The following NCAM1 variants were observed in gnomAD, a reference collection of about 807,000 sequenced individuals.
NCAM1 encodes the protein neural cell adhesion molecule 1.
A neutral mutation model predicts 109.8 loss-of-function variants in NCAM1; 14 were observed. The observed-to-expected ratio is 0.13, with a 90% CI of 0.08 to 0.20. The LOEUF is 0.20. Among genes scored for constraint, NCAM1 ranks in the 10% least tolerant of loss-of-function variants. NCAM1 has a pLI of 1.00. For missense variants in NCAM1, 774 were observed against 1,109.9 expected, an observed-to-expected ratio of 0.70 and a Z score of 4.30; for synonymous variants, 418 against 442.9, an observed-to-expected ratio of 0.94 and a Z score of 0.70.
chr11:113,035,194 G>A (rs1337980612), intron 1 of NCAM1, among the ~76,000 whole-genome samples: 1 of 152,032 alleles, frequency 6.6e-6, no homozygotes, highest in African/African-American at 2.4e-5. Flanking sequence ...TATAACTAGG[G>A]CCCATTTTGT....
intron 1 of NCAM1, among the ~76,000 whole-genome samples, chr11:113,187,542 T>C (rs1202027325): frequency 8.9e-6 from 1 of 112,138 alleles, no homozygotes; most frequent in African/African-American, 3.6e-5. Flanking sequence ...ACTGAGGATC[T>C]GTGTGTGTGT....
chr11:113,071,504 CA>C (rs1389522268), intron 1 of NCAM1, among the ~76,000 whole-genome samples: 5 of 150,240 alleles, frequency 3.3e-5, no homozygotes, highest in African/African-American at 1.2e-4. Flanking sequence ...AGGCTCACTG[CA>C]AACTCCGCCT....
intron 1 of NCAM1, among the ~76,000 whole-genome samples, chr11:113,118,120 A>C (rs1277493400): frequency 1.3e-5 from 2 of 151,932 alleles, no homozygotes; most frequent in Non-Finnish European, 2.9e-5. Flanking sequence ...AGGATTTGTC[A>C]TATTTTTCCA....
At chr11:113,140,243 A>G (rs1306579040) in intron 1 of NCAM1, among the ~76,000 whole-genome samples, 1 of 152,174 alleles carries the variant, frequency 6.6e-6, no homozygotes, top group Non-Finnish European at 1.5e-5. Flanking sequence ...TCAGGGACTC[A>G]TAGAGCTCAG....
intron 1 of NCAM1, among the ~76,000 whole-genome samples, chr11:113,189,366 C>T (rs1943606988): frequency 6.7e-6 from 1 of 149,758 alleles, no homozygotes; most frequent in Non-Finnish European, 1.5e-5. Context: ...CAGAGAATCA[C>T]TTGAACCCAG....
intron 1 of NCAM1, among the ~76,000 whole-genome samples, chr11:112,979,652 A>G (rs1036809911): frequency 6.6e-6 from 1 of 151,780 alleles, no homozygotes; most frequent in Non-Finnish European, 1.5e-5. Context: ...TTTGGGATCT[A>G]TCTGCTTCTT....
chr11:113,165,220 GACTTAGAAAGTC>G (rs1555105071), intron 1 of NCAM1, among the ~76,000 whole-genome samples: 2 of 152,136 alleles, frequency 1.3e-5, no homozygotes, highest in Non-Finnish European at 2.9e-5. Context: ...GGTAGAAAGT[GACTTAGAAAGTC>G]ACTTAGAAAG....
intron 15 of NCAM1, among the ~76,000 whole-genome samples, chr11:113,252,124 C>T (rs1945695999): frequency 6.6e-6 from 1 of 152,142 alleles, no homozygotes; most frequent in African/African-American, 2.4e-5. Context: ...TGTAGAAATA[C>T]TGTCATAGGC....
At chr11:113,224,801 C>G (rs1229012044) in intron 9 of NCAM1, among the ~76,000 whole-genome samples, 4 of 152,238 alleles carry the variant, frequency 2.6e-5, no homozygotes, top group Non-Finnish European at 4.4e-5. Flanking sequence ...GCAGCCTCCG[C>G]TGCTGATACC....
At chr11:113,228,775 G>T (rs376425830) in intron 9 of NCAM1, among the ~76,000 whole-genome samples, 4 of 152,088 alleles carry the variant, frequency 2.6e-5, no homozygotes, top group Non-Finnish European at 4.4e-5. Flanking sequence ...CAGAAATAAT[G>T]CCACACATCT....
At position 112,962,055 on chromosome 11, in the gene NCAM1, G is replaced by C. The variant is rs1950579423; in HGVS notation, c.52+391G>C. ...CGCGGCTCGGGTGGTGCCGCCGCAC[G>C]GGCTCGGATTCCGAGGGGGAAGTGG... On this transcript the variant is annotated intron_variant, in intron 1 of 19. Transcript: ENST00000316851. This position sits in a 1 kb window ranked among gnomAD's most constrained non-coding sequence, Gnocchi z 5.6. 6.6e-6 allele frequency among the ~76,000 whole-genome samples: 1 copy of C among 152,102 alleles called. No homozygotes were observed. The highest frequency in any genetic ancestry group is 6.5e-5 in the Admixed American group (1 of 15,282).
At chr11:113,208,973 A>C (rs182442213) in intron 7 of NCAM1, among the ~76,000 whole-genome samples, 1 of 152,344 alleles carries the variant, frequency 6.6e-6, no homozygotes, top group East Asian at 1.9e-4. Flanking sequence ...TGCTCACTTC[A>C]TCTTCATAAA....
chr11:113,240,925 T>A (rs1327683673), intron 14 of NCAM1: 1 of 1,300,398 alleles, frequency 7.7e-7, no homozygotes, highest in East Asian at 2.3e-5. Flanking sequence ...CACCAGGTGA[T>A]AATTCAACTC....
intron 1 of NCAM1, among the ~76,000 whole-genome samples, chr11:113,181,753 A>G (rs1217856082): frequency 1.3e-5 from 2 of 152,140 alleles, no homozygotes; most frequent in African/African-American, 4.8e-5. Context: ...CCCTCTTCCG[A>G]AAGAGGACTG....
chr11:113,218,512 A>G (rs1490093499), intron 8 of NCAM1, among the ~76,000 whole-genome samples: 1 of 152,234 alleles, frequency 6.6e-6, no homozygotes, highest in African/African-American at 2.4e-5. Context: ...ATTCAACCAT[A>G]GACATATAGT....
chr11:113,204,823 T>G (rs1193388787), intron 3 of NCAM1, among the ~76,000 whole-genome samples: 1 of 152,100 alleles, frequency 6.6e-6, no homozygotes, highest in Non-Finnish European at 1.5e-5. Context: ...CCTTCTTATT[T>G]CCCTCTCCCC....
In NCAM1 at chr11:112,962,678, A is replaced by C. The variant is rs1950602456; in HGVS notation, c.52+1014A>C. On this transcript the variant is annotated intron_variant, in intron 1 of 19. Coordinates refer to ENST00000316851, the MANE Select transcript of NCAM1 (RefSeq NM_181351.5). The surrounding 1 kb of genome is among the most constrained non-coding windows in gnomAD (Gnocchi z 5.6). Reference sequence around the variant, plus strand: ...CAGAGAACCTCGGCAGTGTGCAGGGAGGTGCATTTCATTTTGGCTATTTCC... The same window carrying C: ...CAGAGAACCTCGGCAGTGTGCAGGGCGGTGCATTTCATTTTGGCTATTTCC... 6.6e-6 allele frequency among the ~76,000 whole-genome samples: 1 copy of C among 151,472 alleles called. No homozygotes were observed. Among genetic ancestry groups the C allele is most frequent in the African/African-American group, 2.4e-5 (1 of 41,206 alleles).
intron 1 of NCAM1, among the ~76,000 whole-genome samples, chr11:113,125,183 G>A (rs1360808922): frequency 6.6e-6 from 1 of 152,160 alleles, no homozygotes; most frequent in Non-Finnish European, 1.5e-5. Flanking sequence ...GGATGGCTTT[G>A]CTCAGTAAGC....
intron 1 of NCAM1, among the ~76,000 whole-genome samples, chr11:113,069,865 A>G (rs551208392): frequency 6.6e-6 from 1 of 152,320 alleles, no homozygotes; most frequent in Admixed American, 6.5e-5. Flanking sequence ...GAGACCACTG[A>G]CTGAGACCTG....
Sources: gnomAD v4.1 joint callset for allele counts (sites outside exome capture counted in the v4.1 genomes callset) on GRCh38, gnomAD v4.1.1 for gene constraint, Gnocchi (gnomAD v3.1) non-coding constraint, MANE v1.5 for transcripts, NCBI Gene and HGNC (gene_info 2026-07-23, HGNC 2026-07-21) for gene names.